PDE11A: variants seen among roughly 807,000 people sequenced by gnomAD.
PDE11A encodes the protein phosphodiesterase 11A, also known as dual 3',5'-cyclic-AMP and -GMP phosphodiesterase 11A.
In PDE11A, 100 loss-of-function variants were observed where a neutral mutation model predicts 100.5. The observed-to-expected ratio is 1.00, with a 90% confidence interval of 0.85 to 1.18. PDE11A has a LOEUF of 1.18. Among genes scored for constraint, PDE11A ranks in the 50% most tolerant of loss-of-function variants. The pLI, the probability that PDE11A is intolerant of heterozygous loss-of-function variation, is 0.00. For synonymous variants in PDE11A, 381 were observed against 420.8 expected, an observed-to-expected ratio of 0.91 and a Z score of 1.16; for missense variants, 1,141 against 1,152.6, an observed-to-expected ratio of 0.99 and a Z score of 0.15.
At chr2:177,799,726 C>G (rs567397279) in intron 9 of PDE11A, among the ~76,000 whole-genome samples, 2 of 152,292 alleles carry the variant, frequency 1.3e-5, no homozygotes, top group African/African-American at 4.8e-5. Context: ...AGGCATTGTT[C>G]TGAAAGCAGT....
intron 6 of PDE11A, among the ~76,000 whole-genome samples, chr2:177,836,599 C>T (rs895224900): frequency 7.2e-5 from 11 of 152,214 alleles, no homozygotes; most frequent in Non-Finnish European, 1.3e-4. Flanking sequence ...CTTGGGTTCC[C>T]TACCCCAGTG....
intron 2 of PDE11A, among the ~76,000 whole-genome samples, chr2:178,083,702 A>G (rs2087314825): frequency 6.6e-6 from 1 of 152,180 alleles, no homozygotes; most frequent in African/African-American, 2.4e-5. Context: ...ATACATACAA[A>G]ATAAGTTTCC....
At chr2:177,857,155 G>A (rs2083850066) in intron 5 of PDE11A, among the ~76,000 whole-genome samples, 1 of 151,852 alleles carries the variant, frequency 6.6e-6, no homozygotes, top group South Asian at 2.1e-4. Flanking sequence ...TATATCCACA[G>A]TACCAAAAGG....
intron 19 of PDE11A, among the ~76,000 whole-genome samples, chr2:177,661,310 G>C (rs2080482708): frequency 6.6e-6 from 1 of 152,142 alleles, no homozygotes; most frequent in South Asian, 2.1e-4. Context: ...GATCCTCTCA[G>C]ACTCCTTATG....
chr2:177,984,968 T>C (rs953318100), intron 2 of PDE11A, among the ~76,000 whole-genome samples: 2 of 152,340 alleles, frequency 1.3e-5, no homozygotes, highest in East Asian at 3.9e-4. Flanking sequence ...TGCCTAGACA[T>C]TCTGTGTCTC....
At chr2:177,834,404 T>C (rs185138359) in intron 6 of PDE11A, among the ~76,000 whole-genome samples, 1 of 152,336 alleles carries the variant, frequency 6.6e-6, no homozygotes, top group East Asian at 1.9e-4. Context: ...ACCCAGTCTT[T>C]TCCATGGATT....
intron 2 of PDE11A, among the ~76,000 whole-genome samples, chr2:177,992,302 A>G (rs533253773): frequency 6.6e-6 from 1 of 151,612 alleles, no homozygotes; most frequent in African/African-American, 2.4e-5. Context: ...ATATAAATTA[A>G]TACAGTGGAA....
intron 4 of PDE11A, among the ~76,000 whole-genome samples, chr2:177,881,838 T>C (rs1242443044): frequency 3.3e-5 from 5 of 152,246 alleles, no homozygotes; most frequent in Non-Finnish European, 7.3e-5. Flanking sequence ...AAATATTTAG[T>C]AGACAGACCT....
At chr2:177,800,024 G>T (rs1481644511) in intron 9 of PDE11A, among the ~76,000 whole-genome samples, 2 of 152,030 alleles carry the variant, frequency 1.3e-5, no homozygotes, top group Non-Finnish European at 1.5e-5. Context: ...ATCCCACAAG[G>T]TTGGGAAGTG....
At chr2:177,884,907 G>A (rs1006420233) in intron 4 of PDE11A, among the ~76,000 whole-genome samples, 15 of 152,058 alleles carry the variant, frequency 9.9e-5, no homozygotes, top group African/African-American at 3.4e-4. Flanking sequence ...TAGTGAGAAC[G>A]ACTTAGAAAC....
intron 15 of PDE11A, among the ~76,000 whole-genome samples, chr2:177,681,166 G>T (rs2105506482): frequency 6.6e-6 from 1 of 152,278 alleles, no homozygotes; most frequent in Non-Finnish European, 1.5e-5. Context: ...AAAACAATGT[G>T]GTGCGGCATT....
At chr2:178,047,273 C>A (rs2086763049) in intron 1 of PDE11A, among the ~76,000 whole-genome samples, 1 of 151,992 alleles carries the variant, frequency 6.6e-6, no homozygotes, top group Non-Finnish European at 1.5e-5. Flanking sequence ...ACCAGCCTGG[C>A]CAACACAGTG....
At chr2:177,972,051 G>C (rs1339998973) in intron 2 of PDE11A, among the ~76,000 whole-genome samples, 1 of 152,132 alleles carries the variant, frequency 6.6e-6, no homozygotes, top group Non-Finnish European at 1.5e-5. Flanking sequence ...AGTGATACCA[G>C]CAGTAGGATA....
chr2:177,848,491 G>A (rs1035809938), intron 5 of PDE11A, among the ~76,000 whole-genome samples: 1 of 151,972 alleles, frequency 6.6e-6, no homozygotes, highest in Non-Finnish European at 1.5e-5. Context: ...TAGAAAAAGG[G>A]GTATAAGAAA....
intron 9 of PDE11A, among the ~76,000 whole-genome samples, chr2:177,769,885 C>CAAAA (rs10572990): frequency 1.1e-3 from 81 of 70,620 alleles, no homozygotes; most frequent in Middle Eastern, 0.018. Context: ...AAGACCCTAT[C>CAAAA]AAAAAAAAAA....
chr2:177,900,725 T>C (rs545466889), intron 3 of PDE11A, among the ~76,000 whole-genome samples: 40 of 151,836 alleles, frequency 2.6e-4, no homozygotes, highest in African/African-American at 9.2e-4. Flanking sequence ...GCCACTGCAC[T>C]ACAGCCTGGA....
Position 177,626,495 on chromosome 2 carries a change from A to G in PDE11A, c.*2912T>C, listed in dbSNP as rs1410709702. On this transcript the variant is annotated 3_prime_UTR_variant, in exon 20 of 20. Transcript: ENST00000286063. ...GCTTCGGAGCTGCAGACACGTCACG[A>G]TCTCGCAGACCAGACTCTGTCCCTG... is the stretch of plus-strand genomic sequence containing the variant. 1 of 152,608 alleles carries G rather than the reference A, an allele frequency of 6.6e-6. No individual in the cohort carries two copies. 9.5% of individuals were successfully genotyped at this position (152,608 alleles called of 1,614,324 possible). A position where few individuals can be genotyped will look rare whatever the true frequency, so the allele number is the denominator to read the frequency against.
intron 9 of PDE11A, among the ~76,000 whole-genome samples, chr2:177,775,177 C>T (rs1006632773): frequency 6.6e-6 from 1 of 152,092 alleles, no homozygotes; most frequent in South Asian, 2.1e-4. Context: ...CCAGTAAGAC[C>T]CATTTCAGAC....
At chr2:177,832,663 G>T (rs1028893024) in intron 6 of PDE11A, among the ~76,000 whole-genome samples, 1 of 152,068 alleles carries the variant, frequency 6.6e-6, no homozygotes, top group African/African-American at 2.4e-5. Context: ...GATCTTGGGA[G>T]TTGGGCAAGC....
Sources: gnomAD v4.1 joint callset for allele counts (sites outside exome capture counted in the v4.1 genomes callset) on GRCh38, gnomAD v4.1.1 for gene constraint, MANE v1.5 for transcripts, NCBI Gene and HGNC (gene_info 2026-07-23, HGNC 2026-07-21) for gene names.